PTPRK: variants seen among roughly 807,000 people sequenced by gnomAD.
PTPRK encodes receptor-type tyrosine-protein phosphatase kappa.
A neutral mutation model predicts 178.0 loss-of-function variants in PTPRK; 75 were observed. The observed-to-expected ratio is 0.42, with a 90% CI of 0.35 to 0.51. PTPRK has a LOEUF of 0.51. PTPRK is among the 20% of genes least tolerant of loss of function. PTPRK has a pLI of 0.02. For synonymous variants in PTPRK, 637 were observed against 620.6 expected, an observed-to-expected ratio of 1.03 and a Z score of -0.39; for missense variants, 1,441 against 1,797.8, an observed-to-expected ratio of 0.80 and a Z score of 3.59.
intron 3 of PTPRK, among the ~76,000 whole-genome samples, chr6:128,269,695 G>A (rs1234319032): frequency 2.0e-5 from 3 of 151,862 alleles, no homozygotes; most frequent in Non-Finnish European, 4.4e-5. Flanking sequence ...ATATGCTGGT[G>A]GAAATAGAGA....
intron 8 of PTPRK, among the ~76,000 whole-genome samples, chr6:128,087,337 G>A (rs1464034203): frequency 6.6e-6 from 1 of 151,774 alleles, no homozygotes; most frequent in Non-Finnish European, 1.5e-5. Context: ...TTTTTTAAGG[G>A]TAGGCAATAA....
At chr6:128,095,956 C>T (rs570047074) in intron 7 of PTPRK, among the ~76,000 whole-genome samples, 3 of 152,214 alleles carry the variant, frequency 2.0e-5, no homozygotes, top group African/African-American at 7.2e-5. Flanking sequence ...CTTTATCTTC[C>T]CTGTCAAATG....
At chr6:128,356,077 G>C (rs908865587) in intron 2 of PTPRK, among the ~76,000 whole-genome samples, 2 of 152,110 alleles carry the variant, frequency 1.3e-5, no homozygotes, top group African/African-American at 4.8e-5. Context: ...TAGGTCCCAG[G>C]TGTTACTTGT....
intron 2 of PTPRK, among the ~76,000 whole-genome samples, chr6:128,358,456 C>T (rs1393205202): frequency 5.9e-5 from 9 of 152,162 alleles, no homozygotes; most frequent in African/African-American, 1.9e-4. Context: ...ACTGCTCCAA[C>T]CACAGGGAAA....
At chr6:128,183,228 T>C (rs967574175) in intron 7 of PTPRK, among the ~76,000 whole-genome samples, 4 of 152,158 alleles carry the variant, frequency 2.6e-5, no homozygotes, top group Admixed American at 1.3e-4. Context: ...TGGGGTCAAC[T>C]TGCCTCTCCC....
At chr6:128,436,692 G>A (rs1845645362) in intron 1 of PTPRK, among the ~76,000 whole-genome samples, 1 of 152,054 alleles carries the variant, frequency 6.6e-6, no homozygotes. Context: ...AGAGTACCAG[G>A]TAACTTGCCA....
chr6:128,398,173 T>G lies in PTPRK; in HGVS notation c.101-485A>C, dbSNP rs191215761. ...CAGCTCAAGGGAACAGTACGGAATC[T>G]TCTCAGGTCCAAATACCTCCCTAGA... On this transcript the variant is annotated intron_variant, in intron 1 of 29. Coordinates refer to ENST00000368226, the MANE Select transcript of PTPRK (RefSeq NM_002844.4). Among the ~76,000 whole-genome samples, 284 of 152,328 alleles carry G rather than the reference T, an allele frequency of 1.9e-3. 1 individual carries two copies. The highest frequency in any genetic ancestry group is 6.6e-3 in the African/African-American group (274 of 41,580).
intron 1 of PTPRK, among the ~76,000 whole-genome samples, chr6:128,431,750 AG>A (rs1399989361): frequency 6.6e-6 from 1 of 152,234 alleles, no homozygotes; most frequent in African/African-American, 2.4e-5. Flanking sequence ...ACGCAATAAA[AG>A]CTCAACATGA....
intron 2 of PTPRK, among the ~76,000 whole-genome samples, chr6:128,385,965 TAAAG>T (rs1277446947): frequency 6.6e-6 from 1 of 152,214 alleles, no homozygotes; most frequent in East Asian, 1.9e-4. Flanking sequence ...AAATATAACT[TAAAG>T]GAACTCATGC....
intron 1 of PTPRK, among the ~76,000 whole-genome samples, chr6:128,441,271 C>A (rs1846245386): frequency 1.3e-5 from 2 of 151,862 alleles, no homozygotes. Flanking sequence ...AAAAGCATTC[C>A]ATGTTTTCTA....
intron 3 of PTPRK, among the ~76,000 whole-genome samples, chr6:128,293,470 A>G (rs747713196): frequency 6.6e-6 from 1 of 152,068 alleles, no homozygotes; most frequent in Non-Finnish European, 1.5e-5. Flanking sequence ...TGACTTAATC[A>G]TCTCTTAAAA....
intron 5 of PTPRK, among the ~76,000 whole-genome samples, chr6:128,222,644 T>C (rs1426397732): frequency 1.3e-5 from 2 of 152,186 alleles, no homozygotes; most frequent in Non-Finnish European, 2.9e-5. Flanking sequence ...ATCCTCTACA[T>C]TGGCAGTGAG....
intron 2 of PTPRK, among the ~76,000 whole-genome samples, chr6:128,355,980 T>G (rs1446671830): frequency 1.3e-5 from 2 of 152,184 alleles, no homozygotes; most frequent in Non-Finnish European, 2.9e-5. Flanking sequence ...GTGAGACAAT[T>G]AAAAGGCAAA....
chr6:128,317,217 C>T (rs143368787), intron 3 of PTPRK, among the ~76,000 whole-genome samples: 1 of 152,258 alleles, frequency 6.6e-6, no homozygotes, highest in East Asian at 1.9e-4. Flanking sequence ...TGCTCCACCA[C>T]TACGTAAGCA....
chr6:128,424,262 T>G (rs1843828256), intron 1 of PTPRK, among the ~76,000 whole-genome samples: 1 of 152,094 alleles, frequency 6.6e-6, no homozygotes, highest in South Asian at 2.1e-4. Context: ...ATAAAAGTTT[T>G]AAAGGTTAAT....
intron 1 of PTPRK, among the ~76,000 whole-genome samples, chr6:128,436,270 T>C (rs1845585993): frequency 6.6e-6 from 1 of 152,090 alleles, no homozygotes; most frequent in Admixed American, 6.5e-5. Context: ...TTAACCATAA[T>C]AGCAATTAAA....
At chr6:128,330,236 G>A (rs72972082) in intron 2 of PTPRK, among the ~76,000 whole-genome samples, 2 of 152,110 alleles carry the variant, frequency 1.3e-5, no homozygotes, top group African/African-American at 2.4e-5. Flanking sequence ...TCAGCCCATC[G>A]GGGATATTTT....
chr6:128,193,772 C>T (rs1007432533), intron 6 of PTPRK, among the ~76,000 whole-genome samples: 2 of 151,916 alleles, frequency 1.3e-5, no homozygotes, highest in Non-Finnish European at 2.9e-5. Context: ...TTTTATTCAC[C>T]TTGATTTGAA....
intron 7 of PTPRK, among the ~76,000 whole-genome samples, chr6:128,117,228 C>G (rs1791689005): frequency 6.6e-6 from 1 of 152,142 alleles, no homozygotes. Context: ...AAGGATATGT[C>G]AATTCCAGAT....
Sources: allele counts gnomAD v4.1 joint callset (sites outside exome capture counted in the v4.1 genomes callset), GRCh38; gene constraint gnomAD v4.1.1; transcripts MANE v1.5; gene names NCBI Gene and HGNC (gene_info 2026-07-23, HGNC 2026-07-21).